CLK3: variants seen among roughly 807,000 people sequenced by gnomAD.
The protein encoded by CLK3 is CDC like kinase 3.
Under a neutral mutation model 65.2 loss-of-function variants are expected in CLK3, and 24 were observed. The observed-to-expected ratio is 0.37, with a 90% CI of 0.27 to 0.52. The LOEUF (loss-of-function observed/expected upper bound fraction) is 0.52, where lower values mean the gene tolerates loss of function less well. Ranked by LOEUF, CLK3 falls within the 20% of genes least tolerant of loss-of-function variation. The pLI, the probability that CLK3 is intolerant of heterozygous loss-of-function variation, is 0.92. For missense variants in CLK3, 506 were observed against 660.0 expected, an observed-to-expected ratio of 0.77 and a Z score of 2.56; for synonymous variants, 252 against 240.8, an observed-to-expected ratio of 1.05 and a Z score of -0.43.
upstream of CLK3, among the ~76,000 whole-genome samples, chr15:74,612,562 T>G (rs1400137117): frequency 6.6e-6 from 1 of 152,058 alleles, no homozygotes; most frequent in Non-Finnish European, 1.5e-5. Context: ...AAGCAGTGGT[T>G]ACACCTAGCA....
Position 74,624,666 on chromosome 15 carries a change from A to C in CLK3, c.534-236A>C. 1 of 571,728 alleles carries C rather than the reference A, an allele frequency of 1.7e-6. No homozygotes were observed. Among genetic ancestry groups the C allele is most frequent in the Non-Finnish European group, 3.1e-6 (1 of 318,196 alleles). The allele number at this position is 571,728 out of a possible 1,614,324, so 35.4% of individuals were successfully genotyped here. The stretch of plus-strand genomic sequence containing the variant: ...GAGCTGGCAGTGGCTGAGAACATAA[A>C]AGCCTAAGGATGGCAAGGATGCTAA... On this transcript the variant is annotated intron_variant, in intron 5 of 12. Coordinates refer to ENST00000395066, the MANE Select transcript of CLK3 (RefSeq NM_001130028.2). This position sits in a 1 kb window ranked among gnomAD's most constrained non-coding sequence, Gnocchi z 4.2.
At chr15:74,614,724 G>A (rs2141531865), upstream of CLK3, 1 of 152,304 alleles carries the variant, frequency 6.6e-6, no homozygotes, top group East Asian at 1.9e-4. Context: ...CCCGCGGGGA[G>A]GGGCATGGGC....
intron 1 of CLK3, chr15:74,608,752 G>A (rs950001564): frequency 1.3e-5 from 2 of 152,298 alleles, no homozygotes; most frequent in African/African-American, 4.8e-5. Flanking sequence ...ACCTGGGGAA[G>A]GGAGACTGGC....
chr15:74,623,089 G>A (rs1005805753), intron 5 of CLK3, among the ~76,000 whole-genome samples: 16 of 152,200 alleles, frequency 1.1e-4, no homozygotes, highest in Admixed American at 4.6e-4. Context: ...TGTGGTCTCC[G>A]CTGAGTGTGC....
At position 74,628,966 on chromosome 15, in the gene CLK3, G is replaced by A. The variant is rs1376369301; in HGVS notation, c.1230G>A (p.Gly410=). The A allele has an allele frequency of 1.2e-6, 2 of 1,613,614 alleles. No individual in the cohort carries two copies. The highest frequency in any genetic ancestry group is 1.7e-6 in the Non-Finnish European group (2 of 1,179,662). ...GGAAGCAGAAATATTTCTACAAAGG[G>A]GGCCTAGTTTGGGATGAGAACAGCT... ...RTRKQKYFYK[G]GLVWDENSSD... is the part of the protein sequence containing the mutation. The change falls in exon 12 of 13, where the codon GGG becomes GGA. Residue 410 remains glycine (G), a synonymous_variant. Coordinates refer to ENST00000395066, the MANE Select transcript of CLK3 (RefSeq NM_001130028.2).
chr15:74,619,390 G>C, intron 2 of CLK3, 42 bp downstream of exon 2: 1 of 1,605,014 alleles, frequency 6.2e-7, no homozygotes, highest in South Asian at 1.1e-5. Context: ...CCTTCTGTCA[G>C]CTGGGCTCAG....
chr15:74,628,655 A>C lies in CLK3; in HGVS notation c.1177A>C (p.Ile393Leu). ...GATGATGGAGAAGATCCTAGGGCCC[A>C]TCCCATCACACATGATCCACCGTAC... The part of the protein sequence containing the change: ...LVMMEKILGP[I>L]PSHMIHRTRK... Residue 393 changes from isoleucine (I) to leucine (L), a missense_variant, in exon 11 of 13, where the codon ATC becomes CTC. Physicochemically the swap from Ile to Leu is conservative, Grantham distance 5. Transcript: ENST00000395066. 6.2e-7 allele frequency: 1 copy of C among 1,613,582 alleles called. No individual in the cohort carries two copies. The highest frequency in any genetic ancestry group is 1.3e-5 in the African/African-American group (1 of 74,990).
Position 74,627,805 on chromosome 15 carries a change from A to C in CLK3, c.1042+137A>C, listed in dbSNP as rs2062156271. ...CTCAGACCAAGGGGCCAGTGTCATG[A>C]GACACAGGTGACTGACCTGGCTTTA... On this transcript the variant is annotated intron_variant, in intron 9 of 12. Transcript: ENST00000395066. This position sits in a 1 kb window ranked among gnomAD's most constrained non-coding sequence, Gnocchi z 4.3. The C allele has an allele frequency of 7.5e-7, 1 of 1,331,662 alleles. No individual in the cohort carries two copies. Among genetic ancestry groups the C allele is most frequent in the Non-Finnish European group, 1.1e-6 (1 of 940,536 alleles). The allele number at this position is 1,331,662 out of a possible 1,614,324, so 82.5% of individuals were successfully genotyped here.
Position 74,615,910 on chromosome 15 carries a change from C to A in CLK3, c.-1+12C>A. 1 of 1,247,822 alleles carries A rather than the reference C, an allele frequency of 8.0e-7. No homozygotes were observed. The highest frequency in any genetic ancestry group is 1.0e-6 in the Non-Finnish European group (1 of 996,656). The allele number at this position is 1,247,822 out of a possible 1,614,324, so 77.3% of individuals were successfully genotyped here. On this transcript the variant is annotated intron_variant, in intron 1 of 12. Transcript: ENST00000395066. ...GAGCCTGGGAGACGGTAAGTGTGGG[C>A]TGGGGTCCGCGGCGGCGACAGCGGC...
Position 74,627,705 on chromosome 15 carries a change from G to A in CLK3, c.1042+37G>A. On this transcript the variant is annotated intron_variant, in intron 9 of 12. Coordinates refer to ENST00000395066, the MANE Select transcript of CLK3 (RefSeq NM_001130028.2). The surrounding 1 kb of genome is among the most constrained non-coding windows in gnomAD (Gnocchi z 4.3). ...TATGGCCTGTGACCTTGTCATACTG[G>A]ACTGTTGTTGGGAGGGTATGAGCAG... is the stretch of plus-strand genomic sequence containing the variant. 1 of 1,612,170 alleles carries A rather than the reference G, an allele frequency of 6.2e-7. No homozygotes were observed. Among genetic ancestry groups the A allele is most frequent in the Non-Finnish European group, 8.5e-7 (1 of 1,179,390 alleles).
chr15:74,629,666 G>C (rs572982646), intron 12 of CLK3, 41 bp from the exon 13 acceptor site: 11 of 1,549,466 alleles, frequency 7.1e-6, no homozygotes, highest in Non-Finnish European at 8.9e-6. Flanking sequence ...GGCTTCCCAC[G>C]ACCCTGCCGT....
Position 74,628,958 on chromosome 15 carries a change from T to A in CLK3, c.1222T>A (p.Tyr408Asn), listed in dbSNP as rs994767735. Residue 408 changes from tyrosine (Y) to asparagine (N), a missense_variant, in exon 12 of 13, where the codon TAC becomes AAC. This residue lies in a region of CLK3 where 325 missense variants were observed against 500.5 expected (regional missense o/e 0.65). Transcript: ENST00000395066. ...IHRTRKQKYF[Y>N]KGGLVWDENS... is the part of the protein sequence containing the mutation. ...AATTTTCAGGAAGCAGAAATATTTC[T>A]ACAAAGGGGGCCTAGTTTGGGATGA... The A allele has an allele frequency of 1.9e-6, 3 of 1,613,418 alleles. No individual in the cohort carries two copies.
rs201329852 is a variant in CLK3 at position 74,622,081 on chromosome 15, C to T, written c.370-39C>T. 13 of 1,588,476 alleles carry T rather than the reference C, an allele frequency of 8.2e-6. No individual in the cohort carries two copies. The highest frequency in any genetic ancestry group is 4.0e-5 in the African/African-American group (3 of 74,370). ...CTGTCAATCGGAACCGCCTACCATGCGATTGGTCGGATGGCGTTTCGGGGG... is the reference window on the plus strand; with the variant it reads ...CTGTCAATCGGAACCGCCTACCATGTGATTGGTCGGATGGCGTTTCGGGGG... On this transcript the variant is annotated intron_variant, in intron 3 of 12. Transcript: ENST00000395066. This position sits in a 1 kb window ranked among gnomAD's most constrained non-coding sequence, Gnocchi z 4.6.
At position 74,627,478 on chromosome 15, in the gene CLK3, T is replaced by G. The variant is rs185179061; in HGVS notation, c.912+32T>G. 1.5e-5 allele frequency: 25 copies of G among 1,614,218 alleles called. No individual in the cohort carries two copies. The highest frequency in any genetic ancestry group is 2.2e-5 in the South Asian group (2 of 91,084). On this transcript the variant is annotated intron_variant, in intron 8 of 12. Coordinates refer to ENST00000395066, the MANE Select transcript of CLK3 (RefSeq NM_001130028.2). The surrounding 1 kb of genome is among the most constrained non-coding windows in gnomAD (Gnocchi z 4.3). ...GTGGGGGTAAGGGTGAGGCCCTGTT[T>G]CAGGGGTGGGTTACCCGCTGGTGCA...
chr15:74,608,803 C>T (rs961570166), intron 1 of CLK3: 41 of 152,228 alleles, frequency 2.7e-4, no homozygotes, highest in Admixed American at 5.9e-4. Context: ...TGGGCCATTC[C>T]CCCTCAGCCA....
Position 74,625,862 on chromosome 15 carries a change from G to C in CLK3, c.711G>C (p.Glu237Asp). The C allele has an allele frequency of 6.2e-7, 1 of 1,614,152 alleles. No individual in the cohort carries two copies. The highest frequency in any genetic ancestry group is 8.5e-7 in the Non-Finnish European group (1 of 1,180,026). Residue 237 changes from glutamate (E) to aspartate (D), a missense_variant, in exon 7 of 13, where the codon GAG becomes GAC. Around this residue, in one of 2 missense-constraint regions of CLK3, gnomAD observed 325 missense variants for 500.5 expected, o/e 0.65. Transcript: ENST00000395066. ...NFHGHMCIAF[E>D]LLGKNTFEFL... ...ACGGTCACATGTGCATCGCCTTTGA[G>C]CTCCTGGGCAAGAACACCTTTGAGT...
intron 6 of CLK3, among the ~76,000 whole-genome samples, chr15:74,625,356 ACT>A (rs2062135690): frequency 6.6e-6 from 1 of 151,908 alleles, no homozygotes; most frequent in Non-Finnish European, 1.5e-5. Flanking sequence ...CACACTGAGC[ACT>A]CTCCTCCACG....
rs1236378356 is a variant in CLK3 at position 74,627,358 on chromosome 15, A to G, written c.824A>G (p.His275Arg). The stretch of plus-strand genomic sequence containing the variant: ...TCTTTCCCTGCTACCTTAGTTCTGC[A>G]TGAGAATCAGCTGACCCATACAGAC... ...YQLCHALRFLHENQLTHTDLK... is the reference protein window; with the variant it reads ...YQLCHALRFLRENQLTHTDLK... Residue 275 changes from histidine to arginine, a missense_variant, in exon 8 of 13, where the codon CAT becomes CGT. Physicochemically the swap from His to Arg is conservative, Grantham distance 29. This residue lies in a region of CLK3 where 325 missense variants were observed against 500.5 expected (regional missense o/e 0.65). Coordinates refer to ENST00000395066, the MANE Select transcript of CLK3 (RefSeq NM_001130028.2). This position sits in a 1 kb window ranked among gnomAD's most constrained non-coding sequence, Gnocchi z 4.3. The G allele has an allele frequency of 6.2e-7, 1 of 1,613,746 alleles. No homozygotes were observed. The highest frequency in any genetic ancestry group is 2.2e-5 in the East Asian group (1 of 44,870).
chr15:74,611,793 G>A (rs2061993267), upstream of CLK3, among the ~76,000 whole-genome samples: 1 of 152,256 alleles, frequency 6.6e-6, no homozygotes, highest in African/African-American at 2.4e-5. Context: ...CTGCCTCAGT[G>A]GGACCTGAGA....
Sources: gnomAD v4.1 joint callset for allele counts (sites outside exome capture counted in the v4.1 genomes callset) on GRCh38, gnomAD v4.1.1 for gene constraint, gnomAD v4.1.1 regional missense constraint, Gnocchi (gnomAD v3.1) non-coding constraint, MANE v1.5 for transcripts, NCBI Gene and HGNC (gene_info 2026-07-23, HGNC 2026-07-21) for gene names.